ZNF440: variants seen among roughly 807,000 people sequenced by gnomAD.
ZNF440 encodes the protein zinc finger protein 440.
ZNF440 carries 47 observed loss-of-function variants against 49.7 expected under a neutral mutation model. That is an observed-to-expected ratio of 0.95 (90% CI 0.75 to 1.21). The LOEUF (loss-of-function observed/expected upper bound fraction) is 1.21, where lower values mean the gene tolerates loss of function less well. Ranked by LOEUF, ZNF440 falls within the 50% of genes most tolerant of loss-of-function variation. The pLI is 0.00. For missense variants in ZNF440, 703 were observed against 715.0 expected (o/e 0.98, Z 0.19); for synonymous variants, 255 against 237.7 (o/e 1.07, Z -0.67).
Position 11,831,490 on chromosome 19 carries a change from C to A in ZNF440, c.314C>A (p.Ser105Ter). 1 of 1,613,950 alleles carries A rather than the reference C, an allele frequency of 6.2e-7. No individual in the cohort carries two copies. Among genetic ancestry groups the A allele is most frequent in the Non-Finnish European group, 8.5e-7 (1 of 1,179,890 alleles). ...QEKKASPEVKSCESFVCGEVG... is the reference protein window; with the variant it reads ...QEKKASPEVK ...AAGAAAGCTTCTCCTGAAGTAAAAT[C>A]ATGTGAAAGCTTTGTGTGTGGAGAA... Residue 105 changes from serine to a stop codon, truncating the protein, a stop_gained, in exon 4 of 4, where the codon TCA (serine) becomes TAA (stop). Coordinates refer to ENST00000304060, the MANE Select transcript of ZNF440 (RefSeq NM_152357.3). LOFTEE classifies it high-confidence loss of function.
Position 11,834,070 on chromosome 19 carries a change from A to G in ZNF440, c.*1106A>G. On this transcript the variant is annotated 3_prime_UTR_variant, in exon 4 of 4. Coordinates refer to ENST00000304060, the MANE Select transcript of ZNF440 (RefSeq NM_152357.3). Reference sequence around the variant, plus strand: ...AAAATGCCAGACATCTTTTTATTCGAAAATTTTACTTTTCATGCTTCTGTA... The same window carrying G: ...AAAATGCCAGACATCTTTTTATTCGGAAATTTTACTTTTCATGCTTCTGTA... The G allele has an allele frequency of 3.6e-6, 1 of 280,194 alleles. No individual in the cohort carries two copies. Among genetic ancestry groups the G allele is most frequent in the East Asian group, 7.0e-5 (1 of 14,322 alleles). The allele number at this position is 280,194 out of a possible 1,614,324, so 17.4% of individuals were successfully genotyped here.
intron 1 of ZNF440, among the ~76,000 whole-genome samples, chr19:11,825,554 A>T (rs1975853078): frequency 6.6e-6 from 1 of 152,216 alleles, no homozygotes; most frequent in Non-Finnish European, 1.5e-5. Flanking sequence ...ATTTGGAATG[A>T]TACTGTAAGT....
At chr19:11,828,262 C>T (rs935939766) in intron 1 of ZNF440, among the ~76,000 whole-genome samples, 7 of 150,564 alleles carry the variant, frequency 4.6e-5, no homozygotes, top group Non-Finnish European at 1.0e-4. Context: ...AGCGCAATCT[C>T]GGCTCACTGC....
rs960268330 is a variant in ZNF440 at position 11,832,393 on chromosome 19, G to T, written c.1217G>T (p.Arg406Ile). 18 of 1,613,140 alleles carry T rather than the reference G, an allele frequency of 1.1e-5. No individual in the cohort carries two copies. The Admixed American group carries it at 3.0e-4, about 27-fold the overall frequency. Residue 406 changes from arginine (R) to isoleucine (I), a missense_variant, in exon 4 of 4, where the codon AGA becomes ATA. Transcript: ENST00000304060. ...TGTAAGCAATGTGGGAAAGCCTTCAGATCTGCCTCACACCTTCGAGTGCAT... is the reference window on the plus strand; with the variant it reads ...TGTAAGCAATGTGGGAAAGCCTTCATATCTGCCTCACACCTTCGAGTGCAT... ...YECKQCGKAFRSASHLRVHGR... is the reference protein window; with the variant it reads ...YECKQCGKAFISASHLRVHGR...
Position 11,833,700 on chromosome 19 carries a change from C to T in ZNF440, c.*736C>T, listed in dbSNP as rs1062262. On this transcript the variant is annotated 3_prime_UTR_variant, in exon 4 of 4. Coordinates refer to ENST00000304060, the MANE Select transcript of ZNF440 (RefSeq NM_152357.3). The stretch of plus-strand genomic sequence containing the variant: ...GAAAGCCTTCATTTCTTCTAGTTCC[C>T]TTCAATATCATGAAAGGACTCACAC... 3.4e-6 allele frequency: 2 copies of T among 590,926 alleles called. No individual in the cohort carries two copies. The highest frequency in any genetic ancestry group is 2.7e-6 in the Non-Finnish European group (1 of 365,620). The allele number at this position is 590,926 out of a possible 1,614,324, so 36.6% of individuals were successfully genotyped here.
intron 1 of ZNF440, among the ~76,000 whole-genome samples, chr19:11,823,940 C>T (rs147363586): frequency 0.023 from 3,538 of 151,710 alleles, 62 homozygotes; most frequent in Non-Finnish European, 0.034. Flanking sequence ...CCAGCCTGGG[C>T]AACAAGAGTG....
chr19:11,823,184 C>G (rs1975820150), intron 1 of ZNF440, among the ~76,000 whole-genome samples: 1 of 152,024 alleles, frequency 6.6e-6, no homozygotes. Flanking sequence ...GAGAGGAAGC[C>G]GGCTCTCCTG....
intron 1 of ZNF440, among the ~76,000 whole-genome samples, chr19:11,827,835 C>T (rs1171897725): frequency 1.3e-5 from 2 of 152,176 alleles, no homozygotes; most frequent in African/African-American, 4.8e-5. Context: ...AGGCTGGTCT[C>T]GAACTGCGGG....
intron 1 of ZNF440, among the ~76,000 whole-genome samples, chr19:11,825,977 G>A (rs1463623855): frequency 3.3e-5 from 5 of 151,676 alleles, no homozygotes; most frequent in African/African-American, 4.8e-5. Context: ...CATCACGCCC[G>A]GCTGATTTTG....
chr19:11,819,602 G>A lies in ZNF440; in HGVS notation c.3+5152G>A, dbSNP rs1217335550. Among the ~76,000 whole-genome samples the A allele has an allele frequency of 2.0e-5, 3 of 152,270 alleles. No individual in the cohort carries two copies. The East Asian group carries it at 5.8e-4, about 29-fold the overall frequency. On this transcript the variant is annotated intron_variant, in intron 1 of 3. Coordinates refer to ENST00000304060, the MANE Select transcript of ZNF440 (RefSeq NM_152357.3). ...TTAGTAAAGGTGGGGGTTTCACCAT[G>A]TTGGCCAGGCTGGCCTCGAACTCCT...
intron 1 of ZNF440, among the ~76,000 whole-genome samples, chr19:11,819,670 G>T (rs2145118152): frequency 1.3e-5 from 2 of 152,318 alleles, no homozygotes. Flanking sequence ...AAAGTGTTGG[G>T]ATTACAGGAG....
rs1975935832 is a variant in ZNF440, at chr19:11,831,433, C to A, written c.257C>A (p.Pro86Gln). 3.1e-6 allele frequency: 5 copies of A among 1,613,664 alleles called. No individual in the cohort carries two copies. Among genetic ancestry groups the A allele is most frequent in the Non-Finnish European group, 4.2e-6 (5 of 1,179,808 alleles). Residue 86 changes from proline (P) to glutamine (Q), a missense_variant, in exon 4 of 4, where the codon CCA (proline) becomes CAA (glutamine). By Grantham distance (76) the Pro-to-Gln change is moderately conservative (BLOSUM62 -1). Coordinates refer to ENST00000304060, the MANE Select transcript of ZNF440 (RefSeq NM_152357.3). ...DDSHCGETFT[P>Q]VPDDRLNFQE... ...AGTCATTGTGGAGAAACTTTTACCC[C>A]AGTTCCAGATGACAGACTGAACTTC... is the stretch of plus-strand genomic sequence containing the variant.
In ZNF440 at chr19:11,826,535, T is replaced by C. The variant is rs564233559; in HGVS notation, c.4-3748T>C. On this transcript the variant is annotated intron_variant, in intron 1 of 3. Coordinates refer to ENST00000304060, the MANE Select transcript of ZNF440 (RefSeq NM_152357.3). ...TCCAAATTGGCTGTAGAATTTTCCA[T>C]TCACATCCCTAGTGAAGGAGAGTTC... Among the ~76,000 whole-genome samples, 21 of 152,310 alleles carry C rather than the reference T, an allele frequency of 1.4e-4. No homozygotes were observed. The South Asian group carries it at 3.7e-3, about 27-fold the overall frequency.
chr19:11,814,538 C>A, intron 1 of ZNF440, 88 bp downstream of exon 1: 2 of 1,346,412 alleles, frequency 1.5e-6, no homozygotes, highest in Non-Finnish European at 1.9e-6. Context: ...GGCCTCCACG[C>A]GGCGACTCCG....
rs759972831 is a variant in ZNF440 at position 11,831,738 on chromosome 19, C to T, written c.562C>T (p.Arg188Ter). Reference protein sequence around the residue: ...GKTFISHSSVRRHMVMHSGDG... With the variant: ...GKTFISHSSV ...AACCTTTATTTCCCATTCAAGTGTTCGAAGACACATGGTAATGCACAGTGG... is the reference window on the plus strand; with the variant it reads ...AACCTTTATTTCCCATTCAAGTGTTTGAAGACACATGGTAATGCACAGTGG... The change falls in exon 4 of 4, where the codon CGA becomes TGA. Residue 188 changes from arginine to a stop codon, truncating the protein, a stop_gained. Coordinates refer to ENST00000304060, the MANE Select transcript of ZNF440 (RefSeq NM_152357.3). LOFTEE classifies it high-confidence loss of function. The T allele has an allele frequency of 1.4e-5, 22 of 1,614,066 alleles. No homozygotes were observed. Among genetic ancestry groups the T allele is most frequent in the East Asian group, 4.5e-5 (2 of 44,868 alleles).
chr19:11,824,334 A>T (rs1599292328), intron 1 of ZNF440, among the ~76,000 whole-genome samples: 1 of 152,186 alleles, frequency 6.6e-6, no homozygotes, highest in African/African-American at 2.4e-5. Flanking sequence ...CATTCTAGAA[A>T]CTTACTAAAA....
In ZNF440 at chr19:11,834,810, G is replaced by C. The variant is rs146110646; in HGVS notation, c.*1846G>C. The C allele has an allele frequency of 1.3e-5, 2 of 152,182 alleles. No individual in the cohort carries two copies. Among genetic ancestry groups the C allele is most frequent in the African/African-American group, 4.8e-5 (2 of 41,426 alleles). 9.4% of individuals were successfully genotyped at this position (152,182 alleles called of 1,614,324 possible). A position where few individuals can be genotyped will look rare whatever the true frequency, so the allele number is the denominator to read the frequency against. Reference sequence around the variant, plus strand: ...GCCTTGGCTGGGCATGGTGGCTCACGCCTGTAATCCCAGCACTTTGGGAGG... The same window carrying C: ...GCCTTGGCTGGGCATGGTGGCTCACCCCTGTAATCCCAGCACTTTGGGAGG... On this transcript the variant is annotated 3_prime_UTR_variant, in exon 4 of 4. Transcript: ENST00000304060.
chr19:11,820,936 G>T (rs936729769), intron 1 of ZNF440, among the ~76,000 whole-genome samples: 2 of 152,112 alleles, frequency 1.3e-5, no homozygotes, highest in Non-Finnish European at 2.9e-5. Context: ...ATACATGGGG[G>T]TACACAGGGG....
chr19:11,825,976 C>A (rs188624881), intron 1 of ZNF440, among the ~76,000 whole-genome samples: 1 of 151,878 alleles, frequency 6.6e-6, no homozygotes, highest in Non-Finnish European at 1.5e-5. Flanking sequence ...CCATCACGCC[C>A]GGCTGATTTT....
Sources: gnomAD v4.1 joint callset for allele counts (sites outside exome capture counted in the v4.1 genomes callset) on GRCh38, gnomAD v4.1.1 for gene constraint, MANE v1.5 for transcripts, NCBI Gene and HGNC (gene_info 2026-07-23, HGNC 2026-07-21) for gene names.